DNAH9: variants seen among roughly 807,000 people sequenced by gnomAD.
The protein encoded by DNAH9 is dynein axonemal heavy chain 9.
DNAH9 carries 345 observed loss-of-function variants against 471.6 expected under a neutral mutation model. That is an observed-to-expected ratio of 0.73 (90% CI 0.67 to 0.80). The LOEUF (loss-of-function observed/expected upper bound fraction) is 0.80, where lower values mean the gene tolerates loss of function less well. Ranked by LOEUF, DNAH9 falls within the 30% of genes least tolerant of loss-of-function variation. The pLI is 0.00. For synonymous variants in DNAH9, 2,093 were observed against 2,123.6 expected (o/e 0.99, Z 0.40); for missense variants, 5,407 against 5,609.2 (o/e 0.96, Z 1.15).
chr17:11,803,288 C>T (rs1969536902), intron 43 of DNAH9, among the ~76,000 whole-genome samples: 1 of 152,100 alleles, frequency 6.6e-6, no homozygotes, highest in Non-Finnish European at 1.5e-5. Context: ...ATTTTCTTCT[C>T]TTAGAATCAC....
chr17:11,674,440 G>A (rs1468600185), intron 17 of DNAH9, among the ~76,000 whole-genome samples: 1 of 152,148 alleles, frequency 6.6e-6, no homozygotes, highest in Non-Finnish European at 1.5e-5. Context: ...GCACTACTCT[G>A]AGTATAAAAA....
chr17:11,815,352 C>T (rs557943545), intron 45 of DNAH9, among the ~76,000 whole-genome samples: 9 of 152,070 alleles, frequency 5.9e-5, no homozygotes, highest in Non-Finnish European at 1.0e-4. Flanking sequence ...TTTCTGAATC[C>T]GTATCTTCTC....
At chr17:11,966,770 C>T (rs1158734272) in intron 68 of DNAH9, among the ~76,000 whole-genome samples, 1 of 151,998 alleles carries the variant, frequency 6.6e-6, no homozygotes, top group Non-Finnish European at 1.5e-5. Flanking sequence ...TGAAAGTAAG[C>T]TGGAATTAGG....
At position 11,937,404 on chromosome 17, in the gene DNAH9, C is replaced by A; in HGVS notation, c.12542C>A (p.Pro4181Gln). The change falls in exon 66 of 69, where the codon CCG (proline) becomes CAG (glutamine). Residue 4181 changes from proline (P) to glutamine (Q), a missense_variant. This residue lies in a region of DNAH9 where 4,636 missense variants were observed against 4,900.3 expected (regional missense o/e 0.95). Transcript: ENST00000262442. This position sits in a 1 kb window ranked among gnomAD's most constrained non-coding sequence, Gnocchi z 4.1. ...PESPYLYGLHPNAEIGFLTQT... is the reference protein window; with the variant it reads ...PESPYLYGLHQNAEIGFLTQT... Reference sequence around the variant, plus strand: ...TCCCCCTACCTCTATGGCCTCCACCCGAACGCAGAGATTGGCTTCCTGACC... The same window carrying A: ...TCCCCCTACCTCTATGGCCTCCACCAGAACGCAGAGATTGGCTTCCTGACC... 1 of 1,614,050 alleles carries A rather than the reference C, an allele frequency of 6.2e-7. No individual in the cohort carries two copies. The highest frequency in any genetic ancestry group is 8.5e-7 in the Non-Finnish European group (1 of 1,179,956).
intron 38 of DNAH9, among the ~76,000 whole-genome samples, chr17:11,778,304 T>C (rs1968523245): frequency 9.1e-6 from 1 of 110,216 alleles, no homozygotes; most frequent in Admixed American, 1.5e-4. Context: ...CATTCCAGCC[T>C]GGGCGACAGA....
At chr17:11,761,110 C>G (rs565746941) in intron 35 of DNAH9, among the ~76,000 whole-genome samples, 4 of 152,156 alleles carry the variant, frequency 2.6e-5, no homozygotes, top group Non-Finnish European at 5.9e-5. Context: ...ACTAGTTCTT[C>G]TCCTGACCCT....
chr17:11,728,554 G>A (rs745450677), intron 28 of DNAH9, among the ~76,000 whole-genome samples: 1 of 149,468 alleles, frequency 6.7e-6, no homozygotes, highest in Non-Finnish European at 1.5e-5. Flanking sequence ...AAAAACTTGA[G>A]CTCTTGAGAT....
intron 38 of DNAH9, among the ~76,000 whole-genome samples, chr17:11,771,500 C>T (rs753685946): frequency 6.6e-6 from 1 of 152,172 alleles, no homozygotes; most frequent in African/African-American, 2.4e-5. Context: ...ATAATCAGCT[C>T]CAATAAACCA....
chr17:11,867,868 G>A (rs1485791658), intron 50 of DNAH9, among the ~76,000 whole-genome samples: 1 of 152,162 alleles, frequency 6.6e-6, no homozygotes, highest in African/African-American at 2.4e-5. Context: ...CTGTGCATGT[G>A]GATGGAGATA....
intron 12 of DNAH9, among the ~76,000 whole-genome samples, chr17:11,648,199 A>C (rs560025479): frequency 6.6e-6 from 1 of 152,240 alleles, no homozygotes; most frequent in African/African-American, 2.4e-5. Flanking sequence ...CCAGGAATGC[A>C]CTATAGATTG....
At chr17:11,679,536 C>T (rs549702271) in intron 17 of DNAH9, among the ~76,000 whole-genome samples, 61 of 152,312 alleles carry the variant, frequency 4.0e-4, no homozygotes, top group Middle Eastern at 6.8e-3. Context: ...TCTCCTTCAT[C>T]ACAAGATAGG....
At chr17:11,710,703 C>T (rs1039752702) in intron 26 of DNAH9, among the ~76,000 whole-genome samples, 1 of 152,080 alleles carries the variant, frequency 6.6e-6, no homozygotes, top group Non-Finnish European at 1.5e-5. Flanking sequence ...TTAGAAAATC[C>T]ATGTTTATTT....
At chr17:11,639,866 G>T (rs912726915) in intron 9 of DNAH9, among the ~76,000 whole-genome samples, 1 of 152,176 alleles carries the variant, frequency 6.6e-6, no homozygotes, top group African/African-American at 2.4e-5. Context: ...GCCACGTGTG[G>T]TGGTGGGTGC....
In DNAH9 at chr17:11,669,616, A is replaced by G. The variant is rs753986319; in HGVS notation, c.3175A>G (p.Lys1059Glu). The part of the protein sequence containing the change: ...PENPPLLSQF[K>E]VQIDSYETLY... ...GAACCCTCCCCTCCTTTCTCAGTTT[A>G]AAGTGCAAATCGACTCCTATGAAAC... Residue 1059 changes from lysine (K) to glutamate (E), a missense_variant, in exon 17 of 69, where the codon AAA becomes GAA. Around this residue, in one of 3 missense-constraint regions of DNAH9, gnomAD observed 4,636 missense variants for 4,900.3 expected, o/e 0.95. Coordinates refer to ENST00000262442, the MANE Select transcript of DNAH9 (RefSeq NM_001372.4). 3 of 1,614,206 alleles carry G rather than the reference A, an allele frequency of 1.9e-6. No individual in the cohort carries two copies. The highest frequency in any genetic ancestry group is 2.5e-6 in the Non-Finnish European group (3 of 1,180,038).
chr17:11,623,015 C>T lies in DNAH9; in HGVS notation c.1350+3234C>T, dbSNP rs1278981028. On this transcript the variant is annotated intron_variant, in intron 6 of 68. Coordinates refer to ENST00000262442, the MANE Select transcript of DNAH9 (RefSeq NM_001372.4). This position sits in a 1 kb window ranked among gnomAD's most constrained non-coding sequence, Gnocchi z 4.1. ...CGAGATGGAGTTTTGCTCTTGTTGC[C>T]CAGGCTGGAGTGCAGTGGCACAATC... is the stretch of plus-strand genomic sequence containing the variant. 1.4e-5 allele frequency among the ~76,000 whole-genome samples: 2 copies of T among 147,838 alleles called. No individual in the cohort carries two copies. Among genetic ancestry groups the T allele is most frequent in the Admixed American group, 6.8e-5 (1 of 14,636 alleles).
rs1166160652 is a variant in DNAH9, at chr17:11,705,084, G to A, written c.5451G>A (p.Glu1817=). Residue 1817 remains glutamate, a synonymous_variant, in exon 26 of 69, where the codon GAG becomes GAA. Transcript: ENST00000262442. ...AGCTGCGCCATCGTTGGGATGACGA[G>A]GTCAAACACTGCTTTGCCAACATCT... ...LSQLRHRWDD[E]VKHCFANICD... 2 of 1,614,144 alleles carry A rather than the reference G, an allele frequency of 1.2e-6. No individual in the cohort carries two copies. Among genetic ancestry groups the A allele is most frequent in the East Asian group, 2.2e-5 (1 of 44,882 alleles).
In DNAH9 at chr17:11,798,457, A is replaced by AAG. The variant is rs1166706295; in HGVS notation, c.8420+684_8420+685dup. Among the ~76,000 whole-genome samples the AAG allele has an allele frequency of 6.2e-3, 800 of 129,924 alleles. 5 individuals carry two copies. Among genetic ancestry groups the AAG allele is most frequent in the African/African-American group, 0.014 (464 of 33,344 alleles). 85.2% of individuals were successfully genotyped at this position (129,924 alleles called of 152,430 possible). On this transcript the variant is annotated intron_variant, in intron 43 of 68. Transcript: ENST00000262442. ...CAAAAAAAAAAAAAAAAAAAAAAAA[A>AAG]AGAGAGAGAGAGAGAGAGAGATAGA...
At chr17:11,817,388 C>A (rs1260654076) in intron 45 of DNAH9, among the ~76,000 whole-genome samples, 2 of 152,168 alleles carry the variant, frequency 1.3e-5, no homozygotes, top group African/African-American at 2.4e-5. Flanking sequence ...GAAAATGTCT[C>A]TAAGTGGCCC....
In DNAH9 at chr17:11,875,026, C is replaced by T. The variant is rs61743933; in HGVS notation, c.10320C>T (p.Asn3440=). 1.4e-3 allele frequency: 2,199 copies of T among 1,614,096 alleles called. 35 individuals are homozygous for T. The African/African-American group carries it at 0.025, about 18-fold the overall frequency. ...MDDADVAAWQ[N]EGLPADRMSV... Reference sequence around the variant, plus strand: ...ATGCTGACGTGGCTGCCTGGCAGAACGAGGGCCTCCCAGCCGACCGCATGT... The same window carrying T: ...ATGCTGACGTGGCTGCCTGGCAGAATGAGGGCCTCCCAGCCGACCGCATGT... Residue 3440 remains asparagine, a synonymous_variant, in exon 53 of 69, where the codon AAC becomes AAT. Coordinates refer to ENST00000262442, the MANE Select transcript of DNAH9 (RefSeq NM_001372.4).
Sources: gnomAD v4.1 joint callset for allele counts (sites outside exome capture counted in the v4.1 genomes callset) on GRCh38, gnomAD v4.1.1 for gene constraint, gnomAD v4.1.1 regional missense constraint, Gnocchi (gnomAD v3.1) non-coding constraint, MANE v1.5 for transcripts, NCBI Gene and HGNC (gene_info 2026-07-23, HGNC 2026-07-21) for gene names.